ANTXR1: variants seen among roughly 807,000 people sequenced by gnomAD.
The protein encoded by ANTXR1 is ANTXR cell adhesion molecule 1, also known as anthrax toxin receptor 1.
A neutral mutation model predicts 78.1 loss-of-function variants in ANTXR1; 19 were observed. The observed-to-expected ratio is 0.24, with a 90% CI of 0.17 to 0.36. The LOEUF (loss-of-function observed/expected upper bound fraction) is 0.36. ANTXR1 is among the 10% of genes least tolerant of loss of function. The probability of loss-of-function intolerance (pLI) is 1.00; values close to 1 mark genes in which losing one functional copy is unlikely to be tolerated. For missense variants in ANTXR1, 518 were observed against 718.6 expected, an observed-to-expected ratio of 0.72 and a Z score of 3.19; for synonymous variants, 273 against 260.5, an observed-to-expected ratio of 1.05 and a Z score of -0.46.
chr2:69,198,074 C>A (rs1454285458), intron 17 of ANTXR1, among the ~76,000 whole-genome samples: 3 of 152,192 alleles, frequency 2.0e-5, no homozygotes, highest in African/African-American at 7.2e-5. Context: ...AAGCTGCAGT[C>A]AGTATCCTTA....
intron 1 of ANTXR1, among the ~76,000 whole-genome samples, chr2:69,034,332 T>G (rs1025018953): frequency 1.3e-4 from 20 of 152,212 alleles, no homozygotes; most frequent in African/African-American, 4.1e-4. Flanking sequence ...TGACTCTGGT[T>G]TTGAGTGGAC....
At chr2:69,057,910 A>G (rs527311537) in intron 3 of ANTXR1, among the ~76,000 whole-genome samples, 1 of 152,350 alleles carries the variant, frequency 6.6e-6, no homozygotes, top group African/African-American at 2.4e-5. Flanking sequence ...CAAATGATTA[A>G]AAAGCAAAAC....
rs371677738 is a variant in ANTXR1 at position 69,145,421 on chromosome 2, C to T, written c.952-6748C>T. The T allele has an allele frequency of 6.6e-5, 104 of 1,567,636 alleles. No homozygotes were observed. In the African/African-American group the frequency reaches 7.1e-4, roughly 11 times the overall value. On this transcript the variant is annotated intron_variant, in intron 12 of 17. Transcript: ENST00000303714. ...CCTCCGGACAGCACACTCCTGAAAA[C>T]GGGGAGAGAGGAGCCAAACATGCTC...
intron 1 of ANTXR1, among the ~76,000 whole-genome samples, chr2:69,021,660 T>C (rs1276646407): frequency 6.6e-6 from 1 of 152,178 alleles, no homozygotes; most frequent in African/African-American, 2.4e-5. Context: ...CCTCACTTTA[T>C]GGAAAAAGAC....
At chr2:69,218,135 G>A (rs988088979) in intron 17 of ANTXR1, among the ~76,000 whole-genome samples, 9 of 152,142 alleles carry the variant, frequency 5.9e-5, no homozygotes, top group Non-Finnish European at 1.2e-4. Flanking sequence ...TCAACCAAGC[G>A]GCAAAGGTTC....
intron 16 of ANTXR1, among the ~76,000 whole-genome samples, chr2:69,192,566 C>T (rs1256883041): frequency 6.6e-6 from 1 of 152,204 alleles, no homozygotes; most frequent in East Asian, 1.9e-4. Context: ...AGGATACTCT[C>T]CCCATCTCAA....
rs114050329 is a variant in ANTXR1 at position 69,147,413 on chromosome 2, C to A, written c.952-4756C>A. 3.5e-3 allele frequency among the ~76,000 whole-genome samples: 533 copies of A among 152,284 alleles called. 4 individuals are homozygous for A. Among genetic ancestry groups the A allele is most frequent in the African/African-American group, 0.012 (504 of 41,544 alleles). The stretch of plus-strand genomic sequence containing the variant: ...TTCACAAGGTAGTTGATTAAGACTC[C>A]AAGCCAAGAATCTAAAGGGAAGACA... On this transcript the variant is annotated intron_variant, in intron 12 of 17. Coordinates refer to ENST00000303714, the MANE Select transcript of ANTXR1 (RefSeq NM_032208.3).
intron 9 of ANTXR1, 112 bp downstream of exon 9, chr2:69,091,031 G>C: frequency 8.9e-7 from 1 of 1,117,440 alleles, no homozygotes; most frequent in Non-Finnish European, 1.3e-6. Context: ...GGAAGGGGTA[G>C]GGTGAAAAGA....
In ANTXR1 at chr2:69,211,362, C is replaced by T. The variant is rs772042790; in HGVS notation, c.1434+17947C>T. Among the ~76,000 whole-genome samples, 11 of 152,214 alleles carry T rather than the reference C, an allele frequency of 7.2e-5. No individual in the cohort carries two copies. The South Asian group carries it at 8.3e-4, about 11-fold the overall frequency. On this transcript the variant is annotated intron_variant, in intron 17 of 17. Coordinates refer to ENST00000303714, the MANE Select transcript of ANTXR1 (RefSeq NM_032208.3). ...CTACTCTCTTCCCCAGAACACAGAG[C>T]GGGATCAACTGTGCCAGCAGGTGTT...
chr2:69,180,091 C>A (rs549012828), intron 14 of ANTXR1, among the ~76,000 whole-genome samples: 129 of 152,324 alleles, frequency 8.5e-4, no homozygotes, highest in African/African-American at 2.8e-3. Context: ...AGAAGACTGC[C>A]CATCCCAAGC....
intron 17 of ANTXR1, among the ~76,000 whole-genome samples, chr2:69,218,365 G>C (rs181452593): frequency 1.8e-4 from 27 of 148,834 alleles, no homozygotes; most frequent in Admixed American, 2.0e-4. Context: ...GGAAAAAAAG[G>C]GGGGGATGGG....
intron 14 of ANTXR1, among the ~76,000 whole-genome samples, chr2:69,171,049 T>C (rs1461566520): frequency 6.6e-6 from 1 of 152,220 alleles, no homozygotes; most frequent in East Asian, 1.9e-4. Flanking sequence ...AAGCCAGGGT[T>C]ACATATCTAA....
chr2:69,121,205 G>T (rs1312043622), intron 10 of ANTXR1, among the ~76,000 whole-genome samples: 2 of 152,180 alleles, frequency 1.3e-5, no homozygotes, highest in African/African-American at 4.8e-5. Context: ...CTTGGACAAG[G>T]TACTTTATCT....
In ANTXR1 at chr2:69,013,219, G is replaced by A. The variant is rs1191471314; in HGVS notation, c.-281G>A. On this transcript the variant is annotated 5_prime_UTR_variant, in exon 1 of 18. Coordinates refer to ENST00000303714, the MANE Select transcript of ANTXR1 (RefSeq NM_032208.3). The surrounding 1 kb of genome is among the most constrained non-coding windows in gnomAD (Gnocchi z 5.0). ...TTGCAAAAGCTCGGCGCGGCCTCGG[G>A]AGCTGCCCGGCGGCCCCGGACCGAG... The A allele has an allele frequency of 5.4e-6, 3 of 553,694 alleles. No homozygotes were observed. Among genetic ancestry groups the A allele is most frequent in the African/African-American group, 3.9e-5 (2 of 51,658 alleles). 34.3% of individuals were successfully genotyped at this position (553,694 alleles called of 1,614,324 possible).
chr2:69,210,910 T>C (rs1239964808), intron 17 of ANTXR1, among the ~76,000 whole-genome samples: 1 of 127,902 alleles, frequency 7.8e-6, no homozygotes, highest in Non-Finnish European at 1.5e-5. Flanking sequence ...CACTCCAGCC[T>C]GGGCGACAGA....
chr2:69,184,233 G>A (rs570380329), intron 16 of ANTXR1, among the ~76,000 whole-genome samples: 1 of 152,310 alleles, frequency 6.6e-6, no homozygotes, highest in East Asian at 1.9e-4. Context: ...CCTTTCCTCA[G>A]CTGAGCTAGC....
At chr2:69,072,292 G>C (rs1378783526) in intron 5 of ANTXR1, among the ~76,000 whole-genome samples, 1 of 152,088 alleles carries the variant, frequency 6.6e-6, no homozygotes, top group Non-Finnish European at 1.5e-5. Context: ...TATTATTTTA[G>C]CTATTATTAC....
At chr2:69,220,097 C>A (rs1675284072) in intron 17 of ANTXR1, among the ~76,000 whole-genome samples, 1 of 152,124 alleles carries the variant, frequency 6.6e-6, no homozygotes, top group Non-Finnish European at 1.5e-5. Context: ...ATTTTAGTTA[C>A]CATTTTTGTT....
chr2:69,135,041 A>C (rs868435888), intron 12 of ANTXR1: 2 of 425,134 alleles, frequency 4.7e-6, no homozygotes, highest in Middle Eastern at 6.8e-4. Context: ...GTAAAAGACC[A>C]CAGGAATATC....
Sources: gnomAD v4.1 joint callset for allele counts (sites outside exome capture counted in the v4.1 genomes callset) on GRCh38, gnomAD v4.1.1 for gene constraint, Gnocchi (gnomAD v3.1) non-coding constraint, MANE v1.5 for transcripts, NCBI Gene and HGNC (gene_info 2026-07-23, HGNC 2026-07-21) for gene names.